The following EHHADH variants were observed in gnomAD, a reference collection of about 807,000 sequenced individuals.
The protein encoded by EHHADH is enoyl-CoA hydratase and 3-hydroxyacyl CoA dehydrogenase.
In EHHADH, 48 loss-of-function variants were observed where a neutral mutation model predicts 64.4. That is an observed-to-expected ratio of 0.75 (90% confidence interval 0.59 to 0.95). The LOEUF (loss-of-function observed/expected upper bound fraction) is 0.95, where lower values mean the gene tolerates loss of function less well. Ranked by LOEUF, EHHADH falls within the 40% of genes least tolerant of loss-of-function variation. The pLI is 0.00. For missense variants in EHHADH, 854 were observed against 876.6 expected (o/e 0.97, Z 0.33); for synonymous variants, 308 against 326.7 (o/e 0.94, Z 0.62).
intron 4 of EHHADH, among the ~76,000 whole-genome samples, chr3:185,221,573 T>C (rs1459401370): frequency 2.5e-5 from 2 of 78,802 alleles, no homozygotes; most frequent in Admixed American, 1.4e-4. Flanking sequence ...TGATATTTTT[T>C]TTTCTTTTTT....
intron 1 of EHHADH, among the ~76,000 whole-genome samples, chr3:185,251,826 C>T (rs1322879118): frequency 6.6e-6 from 1 of 152,050 alleles, no homozygotes; most frequent in African/African-American, 2.4e-5. Flanking sequence ...AGAAGACAGA[C>T]AAAAAAGGGC....
At chr3:185,193,623 AC>A in intron 6 of EHHADH, 136 bp from the exon 7 acceptor site, 1 of 955,256 alleles carries the variant, frequency 1.0e-6, no homozygotes, top group Non-Finnish European at 1.5e-6. Context: ...TGGATTGAGT[AC>A]TAGTTAAGAC....
intron 4 of EHHADH, among the ~76,000 whole-genome samples, chr3:185,219,064 A>T (rs1436586697): frequency 6.6e-6 from 1 of 152,204 alleles, no homozygotes; most frequent in Non-Finnish European, 1.5e-5. Context: ...TTTAAAAAAA[A>T]GATAGTCCCC....
intron 5 of EHHADH, among the ~76,000 whole-genome samples, chr3:185,206,912 CCA>C (rs1718412106): frequency 1.3e-5 from 2 of 151,828 alleles, no homozygotes; most frequent in African/African-American, 2.4e-5. Flanking sequence ...AACACCCCCC[CCA>C]CCAAATGTTC....
chr3:185,228,257 A>AAAAAAAAAAAAGATAT (rs1367786172), intron 4 of EHHADH, among the ~76,000 whole-genome samples: 1 of 21,994 alleles, frequency 4.5e-5, no homozygotes, highest in Non-Finnish European at 1.1e-4. Flanking sequence ...AAAAAAAAAA[A>AAAAAAAAAAAAGATAT]ATATATATAT....
At chr3:185,212,554 T>C (rs1323138813) in intron 5 of EHHADH, among the ~76,000 whole-genome samples, 1 of 152,228 alleles carries the variant, frequency 6.6e-6, no homozygotes, top group Non-Finnish European at 1.5e-5. Context: ...GTTCTTCATC[T>C]TCTTCTTTCG....
intron 2 of EHHADH, among the ~76,000 whole-genome samples, chr3:185,235,887 A>G (rs781628381): frequency 6.6e-6 from 1 of 152,168 alleles, no homozygotes; most frequent in Non-Finnish European, 1.5e-5. Context: ...ATTCACAGCA[A>G]CTTAGCTCCA....
intron 4 of EHHADH, among the ~76,000 whole-genome samples, chr3:185,228,257 A>AAAAAAAAT (rs1367786172): frequency 5.0e-4 from 11 of 21,994 alleles, no homozygotes; most frequent in South Asian, 1.6e-3. Context: ...AAAAAAAAAA[A>AAAAAAAAT]ATATATATAT....
At chr3:185,202,411 A>G (rs562328520) in intron 6 of EHHADH, among the ~76,000 whole-genome samples, 22 of 152,182 alleles carry the variant, frequency 1.4e-4, no homozygotes, top group Admixed American at 3.3e-4. Flanking sequence ...AAGGAGCACA[A>G]TGTATTTATA....
intron 5 of EHHADH, among the ~76,000 whole-genome samples, chr3:185,217,136 G>A (rs1718701601): frequency 6.6e-6 from 1 of 152,182 alleles, no homozygotes; most frequent in Admixed American, 6.5e-5. Context: ...AGTGTTTGAG[G>A]TGGGAGCCTG....
At chr3:185,241,003 T>C (rs566013655) in intron 2 of EHHADH, among the ~76,000 whole-genome samples, 1 of 152,004 alleles carries the variant, frequency 6.6e-6, no homozygotes, top group African/African-American at 2.4e-5. Flanking sequence ...GTATCATTCT[T>C]ATGCCTTTGC....
intron 1 of EHHADH, among the ~76,000 whole-genome samples, chr3:185,251,828 A>G (rs768380943): frequency 7.2e-5 from 11 of 152,336 alleles, no homozygotes; most frequent in Non-Finnish European, 1.6e-4. Context: ...AAGACAGACA[A>G]AAAAGGGCAG....
At chr3:185,201,143 G>A (rs960554482) in intron 6 of EHHADH, among the ~76,000 whole-genome samples, 1 of 152,118 alleles carries the variant, frequency 6.6e-6, no homozygotes, top group African/African-American at 2.4e-5. Context: ...AATATTCAGG[G>A]TAACGACAAG....
At chr3:185,228,552 C>A (rs1305916589) in intron 4 of EHHADH, among the ~76,000 whole-genome samples, 1 of 149,486 alleles carries the variant, frequency 6.7e-6, no homozygotes, top group Non-Finnish European at 1.5e-5. Flanking sequence ...GTAGCACATG[C>A]CTGTAATCCC....
Position 185,243,507 on chromosome 3 carries a change from G to T in EHHADH, c.178+4907C>A, listed in dbSNP as rs116751854. 4.1e-3 allele frequency among the ~76,000 whole-genome samples: 626 copies of T among 151,770 alleles called. 5 individuals carry two copies. Among genetic ancestry groups the T allele is most frequent in the African/African-American group, 0.014 (588 of 41,340 alleles). ...GTTTGGTTTTTTTCTTGTTTTTCTAGTTCCTTGAGGTGCAACATTAGGTTG... is the reference window on the plus strand; with the variant it reads ...GTTTGGTTTTTTTCTTGTTTTTCTATTTCCTTGAGGTGCAACATTAGGTTG... On this transcript the variant is annotated intron_variant, in intron 2 of 6. Coordinates refer to ENST00000231887, the MANE Select transcript of EHHADH (RefSeq NM_001966.4).
chr3:185,203,058 C>T (rs1718275605), intron 6 of EHHADH, among the ~76,000 whole-genome samples: 1 of 137,314 alleles, frequency 7.3e-6, no homozygotes. Flanking sequence ...GAACTGTATA[C>T]TTACAAATCG....
intron 2 of EHHADH, among the ~76,000 whole-genome samples, chr3:185,243,136 C>T (rs534179526): frequency 2.0e-5 from 3 of 152,318 alleles, no homozygotes; most frequent in Admixed American, 1.3e-4. Context: ...CTCCAGTTTC[C>T]CCAGTGGGGG....
At position 185,193,134 on chromosome 3, in the gene EHHADH, TG is replaced by T. The variant is rs759408663; in HGVS notation, c.1263del (p.Thr422LeufsTer19). Reference sequence around the variant, plus strand: ...CCAATGACCAAGTGAGGACGATCAGTGGAAGAAGCAATCTCATCAACATCCA... The same window carrying T: ...CCAATGACCAAGTGAGGACGATCAGTGAAGAAGCAATCTCATCAACATCCA... ...SALDVDEIAS[S>X]TDRPHLVIGT... is the part of the protein sequence containing the mutation. On this transcript the variant is annotated frameshift_variant, in exon 7 of 7. Coordinates refer to ENST00000231887, the MANE Select transcript of EHHADH (RefSeq NM_001966.4). LOFTEE classifies it high-confidence loss of function. 6.2e-7 allele frequency: 1 copy of T among 1,613,176 alleles called. No homozygotes were observed. Among genetic ancestry groups the T allele is most frequent in the Non-Finnish European group, 8.5e-7 (1 of 1,179,646 alleles).
intron 2 of EHHADH, among the ~76,000 whole-genome samples, chr3:185,244,161 T>C (rs1027764006): frequency 6.6e-6 from 1 of 152,238 alleles, no homozygotes; most frequent in Non-Finnish European, 1.5e-5. Flanking sequence ...GATGTAAATA[T>C]AGCTACTACT....
Sources: gnomAD v4.1 joint callset for allele counts (sites outside exome capture counted in the v4.1 genomes callset) on GRCh38, gnomAD v4.1.1 for gene constraint, MANE v1.5 for transcripts, NCBI Gene and HGNC (gene_info 2026-07-23, HGNC 2026-07-21) for gene names.